The following ESRP2 variants were observed in gnomAD, a reference collection of about 807,000 sequenced individuals.
The protein encoded by ESRP2 is RNA binding motif protein 35A.
Under a neutral mutation model 78.6 loss-of-function variants are expected in ESRP2, and 48 were observed. The observed-to-expected ratio is 0.61, with a 90% CI of 0.48 to 0.78. The LOEUF is 0.78. ESRP2 is among the 30% of genes least tolerant of loss of function. The pLI is 0.00. For synonymous variants in ESRP2, 383 were observed against 406.7 expected, an observed-to-expected ratio of 0.94 and a Z score of 0.70; for missense variants, 863 against 965.9, an observed-to-expected ratio of 0.89 and a Z score of 1.41.
In ESRP2 at chr16:68,232,892, A is replaced by T; in HGVS notation, c.656-77T>A. 1 of 1,595,694 alleles carries T rather than the reference A, an allele frequency of 6.3e-7. No individual in the cohort carries two copies. Among genetic ancestry groups the T allele is most frequent in the Non-Finnish European group, 8.6e-7 (1 of 1,165,600 alleles). On this transcript the variant is annotated intron_variant, in intron 5 of 14. Coordinates refer to ENST00000473183, the MANE Select transcript of ESRP2 (RefSeq NM_024939.3). This position sits in a 1 kb window ranked among gnomAD's most constrained non-coding sequence, Gnocchi z 5.2. ...CCACCAAGTTCTGCAAAAAGTGGAC[A>T]ATTGAGAGAGATGAAGAAATGACAG...
rs1256249148 is a variant in ESRP2, at chr16:68,235,582, C to T, written c.327+52G>A. 2 of 1,591,294 alleles carry T rather than the reference C, an allele frequency of 1.3e-6. No homozygotes were observed. Among genetic ancestry groups the T allele is most frequent in the Non-Finnish European group, 1.7e-6 (2 of 1,177,078 alleles). ...GCCTAGCCTCCGGCCGCCAATCCCG[C>T]CCAGAAATGTCCTCACGTCCAGGCC... On this transcript the variant is annotated intron_variant, in intron 2 of 14. Transcript: ENST00000473183. The surrounding 1 kb of genome is among the most constrained non-coding windows in gnomAD (Gnocchi z 5.5).
intron 13 of ESRP2, 47 bp downstream of exon 13, chr16:68,230,794 A>T: frequency 6.2e-7 from 1 of 1,608,552 alleles, no homozygotes; most frequent in Non-Finnish European, 8.5e-7. Context: ...CTTTCCCCAG[A>T]TTGGGACAGG....
chr16:68,230,692 G>A (rs1052122172), intron 13 of ESRP2, 138 bp from the exon 14 acceptor site: 21 of 1,411,876 alleles, frequency 1.5e-5, no homozygotes, highest in African/African-American at 2.9e-5. Context: ...AGTCATTTTC[G>A]ATCTGTTTTG....
chr16:68,233,882 T>A lies in ESRP2; in HGVS notation c.442A>T (p.Asn148Tyr). 6.2e-7 allele frequency: 1 copy of A among 1,613,502 alleles called. No homozygotes were observed. The highest frequency in any genetic ancestry group is 8.5e-7 in the Non-Finnish European group (1 of 1,179,532). ...QVLHPEASRK[N>Y]LVLPDMFFSF... ...AAGAACATGTCGGGGAGCACCAGGT[T>A]CTGGGGGCACATAGGATTGAGGATG... The change falls in exon 4 of 15, where the codon AAC becomes TAC. Residue 148 changes from asparagine (N) to tyrosine (Y), a missense_variant and splice_region_variant. Transcript: ENST00000473183.
In ESRP2 at chr16:68,230,116, C is replaced by T; in HGVS notation, c.*110G>A. The T allele has an allele frequency of 9.7e-7, 1 of 1,035,394 alleles. No homozygotes were observed. The highest frequency in any genetic ancestry group is 1.5e-6 in the Non-Finnish European group (1 of 673,558). 64.1% of individuals were successfully genotyped at this position (1,035,394 alleles called of 1,614,324 possible). A position where few individuals can be genotyped will look rare whatever the true frequency, so the allele number is the denominator to read the frequency against. ...GGCTCCTCTAGGTACCTTCTGAGAG[C>T]TTTGACAAGCCAGAAAGAAGCTACC... On this transcript the variant is annotated 3_prime_UTR_variant, in exon 15 of 15. Coordinates refer to ENST00000473183, the MANE Select transcript of ESRP2 (RefSeq NM_024939.3).
In ESRP2 at chr16:68,234,070, C is replaced by T; in HGVS notation, c.365G>A (p.Gly122Asp). 1 of 1,613,592 alleles carries T rather than the reference C, an allele frequency of 6.2e-7. No homozygotes were observed. The highest frequency in any genetic ancestry group is 8.5e-7 in the Non-Finnish European group (1 of 1,179,796). Residue 122 changes from glycine to aspartate, a missense_variant, in exon 3 of 15, where the codon GGC becomes GAC. Coordinates refer to ENST00000473183, the MANE Select transcript of ESRP2 (RefSeq NM_024939.3). ...QLVNGDVALL[G>D]GGPYMLCTDG... The stretch of plus-strand genomic sequence containing the variant: ...AGTGCAGAGCATGTAGGGGCCCCCG[C>T]CCAGCAAAGCCACATCCCCGTTCAC...
Position 68,231,053 on chromosome 16 carries a change from G to T in ESRP2, c.1712-26C>A, listed in dbSNP as rs1175625858. ...CTAGAGACGGAAGTAGAAAGTGCAT[G>T]TGCACGGAGCCCAGCACTGCCCTGG... On this transcript the variant is annotated intron_variant, in intron 12 of 14. Transcript: ENST00000473183. The surrounding 1 kb of genome is among the most constrained non-coding windows in gnomAD (Gnocchi z 6.0). The T allele has an allele frequency of 7.5e-6, 12 of 1,589,654 alleles. No individual in the cohort carries two copies. The highest frequency in any genetic ancestry group is 1.0e-5 in the Non-Finnish European group (12 of 1,166,468).
Position 68,230,035 on chromosome 16 carries a change from A to G in ESRP2, c.*191T>C. The G allele has an allele frequency of 1.6e-6, 1 of 620,064 alleles. No homozygotes were observed. The highest frequency in any genetic ancestry group is 2.9e-6 in the Non-Finnish European group (1 of 348,930). The allele number at this position is 620,064 out of a possible 1,614,324, so 38.4% of individuals were successfully genotyped here. ...ACCCCCAGCCCTGCATGCAGGGTCC[A>G]GCCATTGTCTTTGGGGGAAACAGGC... On this transcript the variant is annotated 3_prime_UTR_variant, in exon 15 of 15. Transcript: ENST00000473183.
rs2042204227 is a variant in ESRP2, at chr16:68,235,050, G to A, written c.327+584C>T. On this transcript the variant is annotated intron_variant, in intron 2 of 14. Coordinates refer to ENST00000473183, the MANE Select transcript of ESRP2 (RefSeq NM_024939.3). The surrounding 1 kb of genome is among the most constrained non-coding windows in gnomAD (Gnocchi z 5.5). ...TGGAAACCACCTCCCACTTCAGCTAGGGCAGGAGGCACCCCAGGCCTTTGC... is the reference window on the plus strand; with the variant it reads ...TGGAAACCACCTCCCACTTCAGCTAAGGCAGGAGGCACCCCAGGCCTTTGC... 3.4e-6 allele frequency: 3 copies of A among 873,242 alleles called. No individual in the cohort carries two copies. The highest frequency in any genetic ancestry group is 4.1e-6 in the Non-Finnish European group (3 of 727,488). 54.1% of individuals were successfully genotyped at this position (873,242 alleles called of 1,614,324 possible).
In ESRP2 at chr16:68,235,485, C is replaced by T. The variant is rs912156193; in HGVS notation, c.327+149G>A. ...CGCGCGGATGAAAGGGGCACGCACACGCGAGAGTCGCTCAAAGTTTCAAAC... is the reference window on the plus strand; with the variant it reads ...CGCGCGGATGAAAGGGGCACGCACATGCGAGAGTCGCTCAAAGTTTCAAAC... On this transcript the variant is annotated intron_variant, in intron 2 of 14. Coordinates refer to ENST00000473183, the MANE Select transcript of ESRP2 (RefSeq NM_024939.3). This position sits in a 1 kb window ranked among gnomAD's most constrained non-coding sequence, Gnocchi z 5.5. The T allele has an allele frequency of 7.6e-6, 11 of 1,445,102 alleles. No individual in the cohort carries two copies. The highest frequency in any genetic ancestry group is 1.4e-5 in the African/African-American group (1 of 69,616). 89.5% of individuals were successfully genotyped at this position (1,445,102 alleles called of 1,614,324 possible). A position where few individuals can be genotyped will look rare whatever the true frequency, so the allele number is the denominator to read the frequency against.
chr16:68,235,552 G>T lies in ESRP2; in HGVS notation c.327+82C>A. 2 of 1,557,164 alleles carry T rather than the reference G, an allele frequency of 1.3e-6. No homozygotes were observed. The highest frequency in any genetic ancestry group is 2.3e-5 in the East Asian group (1 of 43,220). On this transcript the variant is annotated intron_variant, in intron 2 of 14. Coordinates refer to ENST00000473183, the MANE Select transcript of ESRP2 (RefSeq NM_024939.3). The surrounding 1 kb of genome is among the most constrained non-coding windows in gnomAD (Gnocchi z 5.5). ...CGCCTGGACCGGTTGGTTGCGGCAC[G>T]CCAGGCCTAGCCTCCGGCCGCCAAT...
At chr16:68,233,596 T>C in intron 4 of ESRP2, 171 bp from the exon 5 acceptor site, 1 of 722,386 alleles carries the variant, frequency 1.4e-6, no homozygotes, top group Non-Finnish European at 2.4e-6. Context: ...GACAGACACA[T>C]ACCCACATTC....
At position 68,231,987 on chromosome 16, in the gene ESRP2, A is replaced by T. The variant is rs149234558; in HGVS notation, c.1114T>A (p.Cys372Ser). Reference protein sequence around the residue: ...TDVLGFLGPECPVTGGTEGLL... With the variant: ...TDVLGFLGPESPVTGGTEGLL... ...CCCTCGGTACCCCCAGTCACTGGGC[A>T]CTCTGGCCCCAGGAAGCCAAGCACG... Residue 372 changes from cysteine (C) to serine (S), a missense_variant, in exon 10 of 15, where the codon TGC becomes AGC. Coordinates refer to ENST00000473183, the MANE Select transcript of ESRP2 (RefSeq NM_024939.3). This position sits in a 1 kb window ranked among gnomAD's most constrained non-coding sequence, Gnocchi z 6.0. 887 of 1,613,784 alleles carry T rather than the reference A, an allele frequency of 5.5e-4. 1 individual carries two copies. The highest frequency in any genetic ancestry group is 7.0e-4 in the Non-Finnish European group (822 of 1,179,954).
chr16:68,230,646 T>G (rs1204931382), intron 13 of ESRP2, 92 bp from the exon 14 acceptor site: 2 of 1,465,734 alleles, frequency 1.4e-6, no homozygotes, highest in East Asian at 4.6e-5. Context: ...GCCTTGTGCT[T>G]AATTCAGTTC....
At chr16:68,234,198 G>T in intron 2 of ESRP2, 91 bp from the exon 3 acceptor site, 1 of 992,486 alleles carries the variant, frequency 1.0e-6, no homozygotes, top group African/African-American at 1.6e-5. Context: ...AGGCTGCAAA[G>T]CTGGTTCAGC....
intron 5 of ESRP2, 97 bp downstream of exon 5, chr16:68,233,230 A>G: frequency 1.2e-6 from 1 of 805,750 alleles, no homozygotes. Context: ...GACAAAGAGG[A>G]TTCCCCCGTG....
In ESRP2 at chr16:68,231,845, C is replaced by G; in HGVS notation, c.1256G>C (p.Arg419Pro). The G allele has an allele frequency of 8.7e-6, 14 of 1,613,900 alleles. No individual in the cohort carries two copies. The highest frequency in any genetic ancestry group is 1.2e-5 in the Non-Finnish European group (14 of 1,179,918). ...AGTGCTCCGGAAGAGTTCAATGTAT[C>G]GCTTACCCAGCATGCCCTTGTGCCT... Reference protein sequence around the residue: ...LRRHKGMLGKRYIELFRSTAA... With the variant: ...LRRHKGMLGKPYIELFRSTAA... The change falls in exon 10 of 15, where the codon CGA becomes CCA. Residue 419 changes from arginine (R) to proline (P), a missense_variant. Transcript: ENST00000473183. This position sits in a 1 kb window ranked among gnomAD's most constrained non-coding sequence, Gnocchi z 6.0.
Position 68,232,914 on chromosome 16 carries a change from A to G in ESRP2, c.656-99T>C. 3.2e-6 allele frequency: 5 copies of G among 1,545,976 alleles called. No homozygotes were observed. The highest frequency in any genetic ancestry group is 2.2e-5 in the East Asian group (1 of 44,486). On this transcript the variant is annotated intron_variant, in intron 5 of 14. Coordinates refer to ENST00000473183, the MANE Select transcript of ESRP2 (RefSeq NM_024939.3). The surrounding 1 kb of genome is among the most constrained non-coding windows in gnomAD (Gnocchi z 5.2). Reference sequence around the variant, plus strand: ...GACAATTGAGAGAGATGAAGAAATGACAGGCCGAGCACAGTGGCTCACGCC... The same window carrying G: ...GACAATTGAGAGAGATGAAGAAATGGCAGGCCGAGCACAGTGGCTCACGCC...
Position 68,230,159 on chromosome 16 carries a change from C to G in ESRP2, c.*67G>C, listed in dbSNP as rs1438437318. The G allele has an allele frequency of 6.1e-6, 9 of 1,486,666 alleles. No individual in the cohort carries two copies. Among genetic ancestry groups the G allele is most frequent in the Non-Finnish European group, 8.5e-6 (9 of 1,065,062 alleles). The allele number at this position is 1,486,666 out of a possible 1,614,324, so 92.1% of individuals were successfully genotyped here. ...AAGCTACCAGGTTGAGGGTGCTGGTCTTCTGGACTCAGGAGAGACATGTTC... is the reference window on the plus strand; with the variant it reads ...AAGCTACCAGGTTGAGGGTGCTGGTGTTCTGGACTCAGGAGAGACATGTTC... On this transcript the variant is annotated 3_prime_UTR_variant, in exon 15 of 15. Transcript: ENST00000473183.
Sources: gnomAD v4.1 joint callset for allele counts on GRCh38, gnomAD v4.1.1 for gene constraint, Gnocchi (gnomAD v3.1) non-coding constraint, MANE v1.5 for transcripts, NCBI Gene and HGNC (gene_info 2026-07-23, HGNC 2026-07-21) for gene names.